FARS2: variants seen among roughly 807,000 people sequenced by gnomAD.
The protein encoded by FARS2 is phenylalanine--tRNA ligase, mitochondrial.
A neutral mutation model predicts 46.4 loss-of-function variants in FARS2; 40 were observed. That is an observed-to-expected ratio of 0.86 (90% CI 0.67 to 1.12). The LOEUF (loss-of-function observed/expected upper bound fraction) is 1.12. FARS2 is among the 50% of genes most tolerant of loss of function. The probability of loss-of-function intolerance (pLI) is 0.00; values close to 1 mark genes in which losing one functional copy is unlikely to be tolerated. For synonymous variants in FARS2, 234 were observed against 214.9 expected (o/e 1.09, Z -0.78); for missense variants, 513 against 567.9 (o/e 0.90, Z 0.98).
At chr6:5,328,995 T>G (rs919151104) in intron 1 of FARS2, among the ~76,000 whole-genome samples, 1 of 152,082 alleles carries the variant, frequency 6.6e-6, no homozygotes, top group Admixed American at 6.5e-5. Flanking sequence ...GGGAGTGAAG[T>G]GTCTTATCTC....
At chr6:5,312,661 T>G (rs1440018015) in intron 1 of FARS2, among the ~76,000 whole-genome samples, 2 of 152,204 alleles carry the variant, frequency 1.3e-5, no homozygotes, top group African/African-American at 4.8e-5. Flanking sequence ...TCTTGTTCCC[T>G]AAAGAAATGC....
chr6:5,387,726 G>A (rs1760227487), intron 2 of FARS2, among the ~76,000 whole-genome samples: 1 of 152,186 alleles, frequency 6.6e-6, no homozygotes, highest in African/African-American at 2.4e-5. Flanking sequence ...AGGTCGTGAT[G>A]TTATCCTTCT....
chr6:5,667,751 A>C (rs942934442), intron 6 of FARS2, among the ~76,000 whole-genome samples: 1 of 152,102 alleles, frequency 6.6e-6, no homozygotes, highest in Non-Finnish European at 1.5e-5. Flanking sequence ...GCAGAGGGGG[A>C]AGTGGAGACC....
chr6:5,576,557 C>A (rs866735035), intron 5 of FARS2, among the ~76,000 whole-genome samples: 6 of 146,558 alleles, frequency 4.1e-5, no homozygotes, highest in Middle Eastern at 3.4e-3. Context: ...ATATATATAT[C>A]ATATATAGAG....
upstream of FARS2, among the ~76,000 whole-genome samples, chr6:5,260,168 G>C (rs1330905186): frequency 6.6e-6 from 1 of 152,102 alleles, no homozygotes; most frequent in Non-Finnish European, 1.5e-5. Context: ...GCAACCAAAA[G>C]AACTCATTAC....
intron 1 of FARS2, among the ~76,000 whole-genome samples, chr6:5,281,656 T>A (rs939866736): frequency 6.9e-6 from 1 of 144,622 alleles, no homozygotes; most frequent in African/African-American, 2.4e-5. Flanking sequence ...TAACCACTAT[T>A]CTGTGAATTT....
chr6:5,270,642 C>T (rs969593938), intron 1 of FARS2, among the ~76,000 whole-genome samples: 4 of 152,102 alleles, frequency 2.6e-5, no homozygotes, highest in Non-Finnish European at 5.9e-5. Context: ...GAATTAATGT[C>T]ACCACACTAT....
At chr6:5,511,358 A>G (rs1768439935) in intron 4 of FARS2, among the ~76,000 whole-genome samples, 2 of 152,230 alleles carry the variant, frequency 1.3e-5, no homozygotes. Flanking sequence ...GTTACATAAA[A>G]TCATATTGAT....
At chr6:5,746,244 G>A (rs894945686) in intron 6 of FARS2, among the ~76,000 whole-genome samples, 81 of 152,150 alleles carry the variant, frequency 5.3e-4, no homozygotes, top group Admixed American at 1.3e-3. Flanking sequence ...CTGCCCTCAT[G>A]AACAAAGACA....
At chr6:5,385,729 T>C (rs1654933921) in intron 2 of FARS2, among the ~76,000 whole-genome samples, 1 of 152,134 alleles carries the variant, frequency 6.6e-6, no homozygotes, top group Non-Finnish European at 1.5e-5. Flanking sequence ...CAGCTGGGTG[T>C]TTCTATGGTA....
At chr6:5,416,348 A>G (rs1348858612) in intron 3 of FARS2, among the ~76,000 whole-genome samples, 2 of 152,302 alleles carry the variant, frequency 1.3e-5, no homozygotes, top group East Asian at 1.9e-4. Context: ...TTTGTTTTCC[A>G]TATTGATATC....
At chr6:5,712,195 T>G (rs1217269431) in intron 6 of FARS2, among the ~76,000 whole-genome samples, 4 of 152,212 alleles carry the variant, frequency 2.6e-5, no homozygotes, top group Non-Finnish European at 5.9e-5. Flanking sequence ...TACCTCCTTC[T>G]CCTTTCCATC....
chr6:5,558,825 C>T (rs991407374), intron 5 of FARS2, among the ~76,000 whole-genome samples: 4 of 151,978 alleles, frequency 2.6e-5, no homozygotes, highest in Non-Finnish European at 5.9e-5. Flanking sequence ...TATTTTTTAA[C>T]GCTCACTGTA....
intron 1 of FARS2, among the ~76,000 whole-genome samples, chr6:5,327,584 T>C (rs1181785239): frequency 6.6e-6 from 1 of 152,184 alleles, no homozygotes; most frequent in Non-Finnish European, 1.5e-5. Context: ...ATACCTTTGC[T>C]CCTCCTTTGC....
intron 5 of FARS2, among the ~76,000 whole-genome samples, chr6:5,611,718 A>G (rs527510348): frequency 6.9e-4 from 105 of 152,170 alleles, no homozygotes; most frequent in Non-Finnish European, 1.4e-3. Flanking sequence ...ATATTTTAAT[A>G]ATGTCTTGGG....
At chr6:5,698,100 A>T (rs925425550) in intron 6 of FARS2, among the ~76,000 whole-genome samples, 10 of 152,370 alleles carry the variant, frequency 6.6e-5, no homozygotes, top group Middle Eastern at 6.8e-3. Flanking sequence ...GCACTGATTT[A>T]GGAAATATCT....
intron 6 of FARS2, among the ~76,000 whole-genome samples, chr6:5,616,968 G>A (rs1775508563): frequency 2.0e-5 from 3 of 151,560 alleles, no homozygotes; most frequent in Admixed American, 2.0e-4. Flanking sequence ...TGTCACTTGA[G>A]GAGGGGGTAA....
At chr6:5,527,489 A>G (rs889520231) in intron 4 of FARS2, among the ~76,000 whole-genome samples, 5 of 152,372 alleles carry the variant, frequency 3.3e-5, no homozygotes, top group South Asian at 4.1e-4. Flanking sequence ...GTTGAAGTAA[A>G]TGAAAATATT....
rs567331749 is a variant in FARS2, at chr6:5,679,954, G to GC, written c.1217+66634_1217+66635insC. On this transcript the variant is annotated intron_variant, in intron 6 of 6. Coordinates refer to ENST00000274680, the MANE Select transcript of FARS2 (RefSeq NM_006567.5). ...TTCCTGAGGGCATTACTTTTCATAA[G>GC]AAAATTCATCAAAGTGTTTTCCTAA... Among the ~76,000 whole-genome samples the GC allele has an allele frequency of 2.0e-5, 3 of 146,904 alleles. No homozygotes were observed. The South Asian group carries it at 6.5e-4, about 32-fold the overall frequency.
Sources: gnomAD v4.1 joint callset for allele counts (sites outside exome capture counted in the v4.1 genomes callset) on GRCh38, gnomAD v4.1.1 for gene constraint, MANE v1.5 for transcripts, NCBI Gene and HGNC (gene_info 2026-07-23, HGNC 2026-07-21) for gene names.